SLC35F1: variants seen among roughly 807,000 people sequenced by gnomAD.
SLC35F1 encodes solute carrier family 35 member F1.
SLC35F1 carries 14 observed loss-of-function variants against 48.7 expected under a neutral mutation model. The ratio of observed to expected loss-of-function variants is 0.29; its 90% confidence interval spans 0.19 to 0.45. The LOEUF is 0.45. Among genes scored for constraint, SLC35F1 ranks in the 20% least tolerant of loss-of-function variants. The probability of loss-of-function intolerance (pLI) is 1.00; values close to 1 mark genes in which losing one functional copy is unlikely to be tolerated. For synonymous variants in SLC35F1, 190 were observed against 202.2 expected (o/e 0.94, Z 0.51); for missense variants, 404 against 500.0 (o/e 0.81, Z 1.83).
chr6:118,063,828 G>T (rs111233646), intron 1 of SLC35F1, among the ~76,000 whole-genome samples: 17 of 151,938 alleles, frequency 1.1e-4, no homozygotes, highest in African/African-American at 3.6e-4. Context: ...AGTAATTTTG[G>T]AATAATTTTG....
At chr6:117,958,092 A>G (rs953598244) in intron 1 of SLC35F1, among the ~76,000 whole-genome samples, 1 of 152,174 alleles carries the variant, frequency 6.6e-6, no homozygotes, top group East Asian at 1.9e-4. Flanking sequence ...CCCTGTGTAG[A>G]CCTAGACTAA....
chr6:117,923,157 A>G (rs1775922002), intron 1 of SLC35F1, among the ~76,000 whole-genome samples: 1 of 152,170 alleles, frequency 6.6e-6, no homozygotes, highest in Non-Finnish European at 1.5e-5. Flanking sequence ...ATCCGTGATT[A>G]TACATGACAA....
rs185588319 is a variant in SLC35F1 at position 118,248,849 on chromosome 6, T to G, written c.477+13213T>G. Reference sequence around the variant, plus strand: ...AGTGTTTGTGTCTTCCCAAAATTCATGTATTGAAATCCTAACCCCCAATAT... The same window carrying G: ...AGTGTTTGTGTCTTCCCAAAATTCAGGTATTGAAATCCTAACCCCCAATAT... On this transcript the variant is annotated intron_variant, in intron 3 of 7. Coordinates refer to ENST00000360388, the MANE Select transcript of SLC35F1 (RefSeq NM_001029858.4). 1.8e-4 allele frequency among the ~76,000 whole-genome samples: 28 copies of G among 152,344 alleles called. No homozygotes were observed. In the East Asian group the frequency reaches 5.2e-3, roughly 28 times the overall value.
chr6:118,138,971 A>AACACACACACACAC (rs58109876), intron 1 of SLC35F1, among the ~76,000 whole-genome samples: 18 of 150,082 alleles, frequency 1.2e-4, no homozygotes, highest in African/African-American at 4.2e-4. Flanking sequence ...TTTCAGCAGA[A>AACACACACACACAC]ACACACACAC....
At chr6:118,192,723 A>C (rs1207484612) in intron 2 of SLC35F1, among the ~76,000 whole-genome samples, 1 of 152,162 alleles carries the variant, frequency 6.6e-6, no homozygotes, top group Non-Finnish European at 1.5e-5. Flanking sequence ...TATAACCTGA[A>C]GAAGGTTAAA....
intron 1 of SLC35F1, among the ~76,000 whole-genome samples, chr6:118,122,469 A>AG (rs1454328223): frequency 1.3e-5 from 2 of 152,214 alleles, no homozygotes; most frequent in African/African-American, 4.8e-5. Flanking sequence ...CCACAGTATA[A>AG]GGTACCAAGT....
chr6:118,217,571 A>T (rs1775091825), intron 2 of SLC35F1, among the ~76,000 whole-genome samples: 2 of 152,132 alleles, frequency 1.3e-5, no homozygotes, highest in Admixed American at 6.6e-5. Flanking sequence ...AACAATGCGA[A>T]TTTACTTAAT....
rs147370680 is a variant in SLC35F1 at position 118,110,589 on chromosome 6, C to T, written c.174-43856C>T. Among the ~76,000 whole-genome samples, 85 of 152,142 alleles carry T rather than the reference C, an allele frequency of 5.6e-4. 1 individual carries two copies. The highest frequency in any genetic ancestry group is 2.0e-3 in the African/African-American group (83 of 41,500). On this transcript the variant is annotated intron_variant, in intron 1 of 7. Transcript: ENST00000360388. ...AGAGGCCTTTAAAGGAGGTCTTATA[C>T]GTTTAGGAATTAGGTTATGCTTACC...
At chr6:118,190,799 G>T (rs1249922332) in intron 2 of SLC35F1, among the ~76,000 whole-genome samples, 1 of 152,102 alleles carries the variant, frequency 6.6e-6, no homozygotes, top group Non-Finnish European at 1.5e-5. Context: ...ATAGATCAAA[G>T]AATTAGTTAG....
intron 7 of SLC35F1, among the ~76,000 whole-genome samples, chr6:118,310,491 A>G (rs1179417797): frequency 6.6e-6 from 1 of 152,212 alleles, no homozygotes. Context: ...AACTAAAAAG[A>G]AGGAAAAATA....
chr6:118,125,842 A>G (rs2114410948), intron 1 of SLC35F1, among the ~76,000 whole-genome samples: 1 of 152,304 alleles, frequency 6.6e-6, no homozygotes, highest in East Asian at 1.9e-4. Context: ...TCCACTCTCA[A>G]CTGGCCAGCT....
intron 1 of SLC35F1, among the ~76,000 whole-genome samples, chr6:118,081,663 G>C (rs890447541): frequency 2.6e-5 from 4 of 152,050 alleles, no homozygotes; most frequent in African/African-American, 9.7e-5. Flanking sequence ...AAAACCACCA[G>C]ATACAACCTC....
At chr6:118,165,775 A>G (rs73766441) in intron 2 of SLC35F1, among the ~76,000 whole-genome samples, 5,579 of 152,314 alleles carry the variant, frequency 0.037, 367 homozygotes, top group African/African-American at 0.13. Flanking sequence ...CTTGCCCCTG[A>G]TAACTTCCAG....
intron 1 of SLC35F1, among the ~76,000 whole-genome samples, chr6:117,918,233 A>T (rs1160898785): frequency 1.3e-5 from 2 of 150,914 alleles, no homozygotes; most frequent in Non-Finnish European, 3.0e-5. Context: ...AATGGGAGAG[A>T]TAATACAACA....
intron 3 of SLC35F1, among the ~76,000 whole-genome samples, chr6:118,257,847 A>C (rs1481906065): frequency 1.3e-5 from 2 of 152,176 alleles, no homozygotes; most frequent in African/African-American, 4.8e-5. Flanking sequence ...TAGAAAATGG[A>C]AATGCTATGG....
At chr6:118,303,533 C>T in intron 7 of SLC35F1, among the ~76,000 whole-genome samples, 1 of 152,160 alleles carries the variant, frequency 6.6e-6, no homozygotes, top group East Asian at 1.9e-4. Flanking sequence ...CCTACTAAAC[C>T]TCCTCACACC....
intron 1 of SLC35F1, among the ~76,000 whole-genome samples, chr6:118,112,860 T>G (rs1247235751): frequency 1.3e-5 from 2 of 152,068 alleles, no homozygotes; most frequent in African/African-American, 2.4e-5. Flanking sequence ...ATGATCAATA[T>G]CAATCCAGCT....
chr6:118,178,497 A>T (rs1333854696), intron 2 of SLC35F1, among the ~76,000 whole-genome samples: 1 of 152,112 alleles, frequency 6.6e-6, no homozygotes, highest in African/African-American at 2.4e-5. Context: ...CTTTCTAATG[A>T]TGCTTTTTAC....
intron 1 of SLC35F1, among the ~76,000 whole-genome samples, chr6:118,128,626 A>T (rs1773664506): frequency 2.6e-5 from 4 of 151,616 alleles, no homozygotes; most frequent in Non-Finnish European, 5.9e-5. Flanking sequence ...ACACATAGAC[A>T]CAGGAAGGGG....
Sources: gnomAD v4.1 joint callset for allele counts (sites outside exome capture counted in the v4.1 genomes callset) on GRCh38, gnomAD v4.1.1 for gene constraint, MANE v1.5 for transcripts, NCBI Gene and HGNC (gene_info 2026-07-23, HGNC 2026-07-21) for gene names.